The following DPP10 variants were observed in gnomAD, a reference collection of about 807,000 sequenced individuals.
DPP10 encodes the protein dipeptidyl peptidase like 10, also known as inactive dipeptidyl peptidase 10.
DPP10 carries 33 observed loss-of-function variants against 120.9 expected under a neutral mutation model. The ratio of observed to expected loss-of-function variants is 0.27; its 90% CI spans 0.21 to 0.37. DPP10 has a LOEUF of 0.37. DPP10 is among the 10% of genes least tolerant of loss of function. DPP10 has a pLI of 1.00. For missense variants in DPP10, 816 were observed against 942.8 expected (o/e 0.87, Z 1.76); for synonymous variants, 337 against 326.1 (o/e 1.03, Z -0.36).
chr2:114,881,867 C>T lies in DPP10; in HGVS notation c.61-427372C>T, dbSNP rs1334748425. Among the ~76,000 whole-genome samples, 4 of 151,996 alleles carry T rather than the reference C, an allele frequency of 2.6e-5. No individual in the cohort carries two copies. In the South Asian group the frequency reaches 8.3e-4, roughly 32 times the overall value. On this transcript the variant is annotated intron_variant, in intron 1 of 25. Coordinates refer to ENST00000410059, the MANE Select transcript of DPP10 (RefSeq NM_020868.6). ...AAGAGACACCAGAGATCTTAACAGT[C>T]CATAGTGTATATGCTGAGAGCAAAT...
intron 1 of DPP10, among the ~76,000 whole-genome samples, chr2:114,837,112 G>A (rs1687802646): frequency 6.6e-6 from 1 of 152,120 alleles, no homozygotes; most frequent in South Asian, 2.1e-4. Flanking sequence ...CAGTTTACAA[G>A]ATGACAGGAT....
intron 1 of DPP10, among the ~76,000 whole-genome samples, chr2:114,971,069 C>T (rs953997084): frequency 2.6e-5 from 4 of 152,160 alleles, no homozygotes; most frequent in Non-Finnish European, 4.4e-5. Context: ...AATACATACC[C>T]GATTGAAATA....
intron 2 of DPP10, among the ~76,000 whole-genome samples, chr2:115,333,569 T>C (rs2062896051): frequency 6.6e-6 from 1 of 152,182 alleles, no homozygotes; most frequent in Admixed American, 6.5e-5. Flanking sequence ...TACTGGTTGT[T>C]CCTTTCCATG....
At chr2:114,472,079 G>A (rs1464655487) in intron 1 of DPP10, among the ~76,000 whole-genome samples, 1 of 152,140 alleles carries the variant, frequency 6.6e-6, no homozygotes, top group Non-Finnish European at 1.5e-5. Context: ...GCAGGAGACT[G>A]TTTAAATGCT....
chr2:115,839,931 T>A (rs953360836), intron 24 of DPP10, among the ~76,000 whole-genome samples: 2 of 152,076 alleles, frequency 1.3e-5, no homozygotes, highest in African/African-American at 4.8e-5. Flanking sequence ...TTAGTCCTTG[T>A]ATAATGAGAT....
At chr2:114,740,040 A>G (rs1428138668) in intron 1 of DPP10, among the ~76,000 whole-genome samples, 1 of 151,990 alleles carries the variant, frequency 6.6e-6, no homozygotes, top group Non-Finnish European at 1.5e-5. Context: ...TCATGCTGCT[A>G]TAAAGACACA....
At chr2:114,965,415 C>G (rs932556803) in intron 1 of DPP10, among the ~76,000 whole-genome samples, 1 of 151,970 alleles carries the variant, frequency 6.6e-6, no homozygotes, top group African/African-American at 2.4e-5. Flanking sequence ...GGATTACAAG[C>G]CTGATCCACC....
At chr2:115,229,379 A>G (rs1316749939) in intron 1 of DPP10, among the ~76,000 whole-genome samples, 1 of 152,030 alleles carries the variant, frequency 6.6e-6, no homozygotes, top group East Asian at 1.9e-4. Context: ...TTTTAACTTG[A>G]TATGATTCCA....
At chr2:114,934,210 C>T (rs1312647007) in intron 1 of DPP10, among the ~76,000 whole-genome samples, 1 of 152,084 alleles carries the variant, frequency 6.6e-6, no homozygotes, top group Non-Finnish European at 1.5e-5. Context: ...GAAGTTCAGG[C>T]TCATCTCTGA....
intron 1 of DPP10, among the ~76,000 whole-genome samples, chr2:115,216,765 A>G (rs1445834441): frequency 6.6e-6 from 1 of 152,110 alleles, no homozygotes; most frequent in African/African-American, 2.4e-5. Context: ...AGCCTGGGCA[A>G]TGGAGTGAGA....
At chr2:115,333,790 T>G (rs922047664) in intron 2 of DPP10, among the ~76,000 whole-genome samples, 3 of 152,082 alleles carry the variant, frequency 2.0e-5, no homozygotes, top group African/African-American at 7.2e-5. Flanking sequence ...TGCCGAGAGA[T>G]CCGCTGTTAG....
At chr2:115,120,556 T>C (rs1226772134) in intron 1 of DPP10, among the ~76,000 whole-genome samples, 1 of 152,204 alleles carries the variant, frequency 6.6e-6, no homozygotes, top group Non-Finnish European at 1.5e-5. Context: ...ACTCTGTATG[T>C]TCCCATGCCT....
chr2:115,634,181 TC>T (rs2086131045), intron 5 of DPP10, among the ~76,000 whole-genome samples: 1 of 152,174 alleles, frequency 6.6e-6, no homozygotes, highest in Non-Finnish European at 1.5e-5. Flanking sequence ...GTTTAACAGC[TC>T]CTTCTGAAGA....
intron 1 of DPP10, among the ~76,000 whole-genome samples, chr2:115,013,759 C>T (rs934011190): frequency 4.7e-5 from 7 of 150,246 alleles, no homozygotes; most frequent in African/African-American, 9.8e-5. Context: ...AAGGGTATTA[C>T]ATAATGGATC....
At position 114,592,009 on chromosome 2, in the gene DPP10, A is replaced by T. The variant is rs537222799; in HGVS notation, c.60+149171A>T. 9.5e-5 allele frequency among the ~76,000 whole-genome samples: 14 copies of T among 147,942 alleles called. No homozygotes were observed. The South Asian group carries it at 3.0e-3, about 31-fold the overall frequency. On this transcript the variant is annotated intron_variant, in intron 1 of 25. Transcript: ENST00000410059. ...CTTGAAACATACTACCCTCAATGAC[A>T]ATAGTGATGCATGCAGACAGTGTTG...
chr2:115,307,330 T>C (rs2061398468), intron 1 of DPP10, among the ~76,000 whole-genome samples: 1 of 152,124 alleles, frequency 6.6e-6, no homozygotes, highest in South Asian at 2.1e-4. Flanking sequence ...TGTCATGAGT[T>C]GGAGTGACAG....
At chr2:115,075,590 A>G (rs910612110) in intron 1 of DPP10, among the ~76,000 whole-genome samples, 2 of 152,226 alleles carry the variant, frequency 1.3e-5, no homozygotes, top group African/African-American at 4.8e-5. Flanking sequence ...GTAATCTAAA[A>G]TTTAATTAGA....
At chr2:115,209,813 A>G (rs570827110) in intron 1 of DPP10, among the ~76,000 whole-genome samples, 30 of 152,278 alleles carry the variant, frequency 2.0e-4, no homozygotes, top group African/African-American at 7.0e-4. Flanking sequence ...AGGAAGAATT[A>G]CACATATGTC....
chr2:115,236,564 T>TA (rs1347035737), intron 1 of DPP10, among the ~76,000 whole-genome samples: 4 of 152,320 alleles, frequency 2.6e-5, no homozygotes, highest in Middle Eastern at 3.4e-3. Context: ...ACGGCATCTT[T>TA]ACACTGGAAG....
Sources: gnomAD v4.1 joint callset for allele counts (sites outside exome capture counted in the v4.1 genomes callset) on GRCh38, gnomAD v4.1.1 for gene constraint, MANE v1.5 for transcripts, NCBI Gene and HGNC (gene_info 2026-07-23, HGNC 2026-07-21) for gene names.